EP400: variants seen among roughly 807,000 people sequenced by gnomAD.
EP400 encodes the protein E1A binding protein p400, also known as E1A-binding protein p400.
Under a neutral mutation model 354.1 loss-of-function variants are expected in EP400, and 105 were observed. That is an observed-to-expected ratio of 0.30 (90% CI 0.25 to 0.35). The LOEUF (loss-of-function observed/expected upper bound fraction) is 0.35. Among genes scored for constraint, EP400 ranks in the 10% least tolerant of loss-of-function variants. The pLI, the probability that EP400 is intolerant of heterozygous loss-of-function variation, is 1.00. For missense variants in EP400, 3,280 were observed against 4,121.0 expected, an observed-to-expected ratio of 0.80 and a Z score of 5.59; for synonymous variants, 1,646 against 1,716.9, an observed-to-expected ratio of 0.96 and a Z score of 1.02.
Position 132,030,305 on chromosome 12 carries a change from C to G in EP400, c.5754+147C>G, listed in dbSNP as rs1039332612. 1.3e-5 allele frequency: 12 copies of G among 944,406 alleles called. No individual in the cohort carries two copies. In the African/African-American group the frequency reaches 1.8e-4, roughly 14 times the overall value. The allele number at this position is 944,406 out of a possible 1,614,324, so 58.5% of individuals were successfully genotyped here. ...CTTCTGAACTTTTTAAAGTCTCAAT[C>G]CATCCTTCGATATTTTTTATTAAAA... On this transcript the variant is annotated intron_variant, in intron 29 of 52. Transcript: ENST00000389561.
chr12:131,981,522 A>T lies in EP400; in HGVS notation c.1469A>T (p.His490Leu), dbSNP rs142075489. 30 of 1,594,528 alleles carry T rather than the reference A, an allele frequency of 1.9e-5. No individual in the cohort carries two copies. In the African/African-American group the frequency reaches 3.5e-4, roughly 18 times the overall value. Residue 490 changes from histidine (H) to leucine (L), a missense_variant, in exon 4 of 53, where the codon CAC (histidine) becomes CTC (leucine). His to Leu is a moderately conservative substitution (Grantham distance 99). This residue lies in a region of EP400 where 800 missense variants were observed against 840.0 expected (regional missense o/e 0.95). Transcript: ENST00000389561. ...QSKRPRLEVG[H>L]QGVVFQHPGA... ...AAGAGGCCTCGCCTTGAAGTGGGTC[A>T]CCAAGGGGTAGTTTTCCAGCACCCA...
intron 45 of EP400, among the ~76,000 whole-genome samples, chr12:132,060,030 A>G (rs1223475367): frequency 6.6e-6 from 1 of 152,208 alleles, no homozygotes; most frequent in African/African-American, 2.4e-5. Flanking sequence ...TAAAAAAAAA[A>G]AAAAGTTATG....
chr12:132,055,728 G>GGTGT (rs370093097), intron 45 of EP400, among the ~76,000 whole-genome samples: 4 of 145,724 alleles, frequency 2.7e-5, no homozygotes, highest in Admixed American at 6.8e-5. Flanking sequence ...GAAGTGTAGG[G>GGTGT]GTGTGTGTGT....
chr12:132,037,954 G>A lies in EP400; in HGVS notation c.6065G>A (p.Arg2022Gln), dbSNP rs767588474. The stretch of plus-strand genomic sequence containing the variant: ...AGTAACACACATCTCTGTGTTCAGC[G>A]AACCATCCAGGAGCTGTTTGAAGTT... ...NDYSMAFLTQRTIQELFEVYS... is the reference protein window; with the variant it reads ...NDYSMAFLTQQTIQELFEVYS... The change falls in exon 32 of 53, where the codon CGA becomes CAA. Residue 2022 changes from arginine (R) to glutamine (Q), a missense_variant and splice_region_variant. Arg to Gln is a conservative substitution (Grantham distance 43, BLOSUM62 1). Coordinates refer to ENST00000389561, the MANE Select transcript of EP400 (RefSeq NM_015409.5). 7.4e-6 allele frequency: 12 copies of A among 1,614,184 alleles called. No individual in the cohort carries two copies. The highest frequency in any genetic ancestry group is 1.7e-4 in the Middle Eastern group (1 of 6,042).
chr12:132,012,908 C>T (rs774377563), intron 16 of EP400, 101 bp from the exon 17 acceptor site: 79 of 1,235,382 alleles, frequency 6.4e-5, no homozygotes, highest in Non-Finnish European at 7.7e-5. Flanking sequence ...TAGGTGGGAA[C>T]GGAGTCACTG....
At chr12:131,983,553 G>T (rs2136493869) in intron 5 of EP400, among the ~76,000 whole-genome samples, 1 of 152,364 alleles carries the variant, frequency 6.6e-6, no homozygotes, top group South Asian at 2.1e-4. Context: ...AGGACTCTCA[G>T]CCCCCTTGGT....
intron 47 of EP400, among the ~76,000 whole-genome samples, 164 bp from the exon 48 acceptor site, chr12:132,064,504 G>C (rs1330910264): frequency 6.6e-6 from 1 of 152,210 alleles, no homozygotes; most frequent in Non-Finnish European, 1.5e-5. Flanking sequence ...TGAACACCTG[G>C]AAGATACTGG....
intron 12 of EP400, among the ~76,000 whole-genome samples, chr12:131,996,722 C>T (rs1054637342): frequency 3.9e-5 from 6 of 152,174 alleles, no homozygotes; most frequent in African/African-American, 1.4e-4. Flanking sequence ...GTAGTATCTC[C>T]TTGTGGCTTT....
intron 3 of EP400, 41 bp from the exon 4 acceptor site, chr12:131,981,448 A>G: frequency 6.7e-7 from 1 of 1,484,468 alleles, no homozygotes; most frequent in Non-Finnish European, 9.1e-7. Flanking sequence ...CTCTGGTTTT[A>G]TTTTTACATC....
chr12:132,022,828 T>C (rs1274463788), intron 23 of EP400, among the ~76,000 whole-genome samples: 1 of 152,126 alleles, frequency 6.6e-6, no homozygotes, highest in Non-Finnish European at 1.5e-5. Flanking sequence ...TAGGCCCAGC[T>C]GCTTGGGAGG....
rs944259360 is a variant in EP400 at position 132,050,781 on chromosome 12, G to A, written c.7394+126G>A. On this transcript the variant is annotated intron_variant, in intron 41 of 52. Coordinates refer to ENST00000389561, the MANE Select transcript of EP400 (RefSeq NM_015409.5). The surrounding 1 kb of genome is among the most constrained non-coding windows in gnomAD (Gnocchi z 4.8). Reference sequence around the variant, plus strand: ...GTTCAGGCATCAGCTGGACGTGGCAGTGCGCAGAACCTGCAGGAGAGAGGT... The same window carrying A: ...GTTCAGGCATCAGCTGGACGTGGCAATGCGCAGAACCTGCAGGAGAGAGGT... The A allele has an allele frequency of 5.8e-6, 7 of 1,205,396 alleles. No homozygotes were observed. The Admixed American group carries it at 1.0e-4, about 18-fold the overall frequency. The allele number at this position is 1,205,396 out of a possible 1,614,324, so 74.7% of individuals were successfully genotyped here.
chr12:132,004,180 G>T (rs542024309), intron 12 of EP400, among the ~76,000 whole-genome samples: 1 of 152,316 alleles, frequency 6.6e-6, no homozygotes, highest in African/African-American at 2.4e-5. Flanking sequence ...AATCCAGCCA[G>T]TTTATGCCAT....
chr12:132,053,562 C>T lies in EP400; in HGVS notation c.7693C>T (p.Pro2565Ser), dbSNP rs753232349. ...TGTGCAGGCCCCAGCGAAGGCGCAG[C>T]CCGCAATCACGACGGGGGGCAGTGC... ...QPVQAPAKAQ[P>S]AITTGGSAAV... is the part of the protein sequence containing the mutation. Residue 2565 changes from proline (P) to serine (S), a missense_variant, in exon 43 of 53, where the codon CCC (proline) becomes TCC (serine). By Grantham distance (74) the Pro-to-Ser change is moderately conservative. Transcript: ENST00000389561. The T allele has an allele frequency of 4.5e-6, 7 of 1,563,904 alleles. No homozygotes were observed.
chr12:132,035,183 C>T (rs759084787), intron 30 of EP400, among the ~76,000 whole-genome samples: 4 of 152,138 alleles, frequency 2.6e-5, no homozygotes, highest in Non-Finnish European at 2.9e-5. Flanking sequence ...GTTTAATGCA[C>T]GATGAGATCT....
intron 1 of EP400, among the ~76,000 whole-genome samples, chr12:131,958,727 C>T (rs970902402): frequency 2.6e-5 from 4 of 152,094 alleles, no homozygotes; most frequent in Non-Finnish European, 4.4e-5. Flanking sequence ...CACTATGTTG[C>T]CTAGGCTGGT....
chr12:132,044,902 C>T lies in EP400; in HGVS notation c.6733C>T (p.Pro2245Ser). Residue 2245 changes from proline (P) to serine (S), a missense_variant, in exon 37 of 53, where the codon CCC (proline) becomes TCC (serine). Coordinates refer to ENST00000389561, the MANE Select transcript of EP400 (RefSeq NM_015409.5). ...EATPIPEAKL[P>S]PVYVRKERKR... The stretch of plus-strand genomic sequence containing the variant: ...CACTCCCATCCCAGAGGCTAAGCTG[C>T]CCCCTGTGTACGTGAGGAAGGAGCG... 1.2e-6 allele frequency: 2 copies of T among 1,614,204 alleles called. No individual in the cohort carries two copies. Among genetic ancestry groups the T allele is most frequent in the Non-Finnish European group, 1.7e-6 (2 of 1,180,040 alleles).
At chr12:132,037,348 A>G (rs1286716477) in intron 30 of EP400, among the ~76,000 whole-genome samples, 1 of 152,230 alleles carries the variant, frequency 6.6e-6, no homozygotes, top group Non-Finnish European at 1.5e-5. Flanking sequence ...AAAGCTTCAG[A>G]GAAGATAGAT....
intron 21 of EP400, 89 bp from the exon 22 acceptor site, chr12:132,019,960 G>A (rs1894070783): frequency 7.3e-7 from 1 of 1,365,592 alleles, no homozygotes. Flanking sequence ...CTTCCTATGG[G>A]CAGCGGTGAA....
chr12:132,036,028 C>CA (rs1894695638), intron 30 of EP400, among the ~76,000 whole-genome samples: 1 of 132,098 alleles, frequency 7.6e-6, no homozygotes, highest in Admixed American at 7.7e-5. Flanking sequence ...ACATGGAACG[C>CA]TGTGGAAGCA....
Sources: allele counts gnomAD v4.1 joint callset (sites outside exome capture counted in the v4.1 genomes callset), GRCh38; gene constraint gnomAD v4.1.1; regional missense constraint gnomAD v4.1.1; non-coding constraint Gnocchi (gnomAD v3.1); transcripts MANE v1.5; gene names NCBI Gene and HGNC (gene_info 2026-07-23, HGNC 2026-07-21).